CDH17: variants seen among roughly 807,000 people sequenced by gnomAD.
The protein encoded by CDH17 is cadherin-17.
A neutral mutation model predicts 86.3 loss-of-function variants in CDH17; 67 were observed. The observed-to-expected ratio is 0.78, with a 90% confidence interval of 0.64 to 0.95. The LOEUF (loss-of-function observed/expected upper bound fraction) is 0.95, where lower values mean the gene tolerates loss of function less well. Ranked by LOEUF, CDH17 falls within the 40% of genes least tolerant of loss-of-function variation. CDH17 has a pLI of 0.00. For synonymous variants in CDH17, 367 were observed against 366.4 expected, an observed-to-expected ratio of 1.00 and a Z score of -0.02; for missense variants, 993 against 1,017.6, an observed-to-expected ratio of 0.98 and a Z score of 0.33.
At chr8:94,129,252 G>T (rs193146495) in intron 17 of CDH17, among the ~76,000 whole-genome samples, 64 of 152,268 alleles carry the variant, frequency 4.2e-4, no homozygotes, top group African/African-American at 1.5e-3. Flanking sequence ...AATAGAATAA[G>T]AAAAGGCACA....
chr8:94,134,120 T>G (rs1026022784), intron 15 of CDH17, among the ~76,000 whole-genome samples: 4 of 152,202 alleles, frequency 2.6e-5, no homozygotes, highest in African/African-American at 9.7e-5. Context: ...AATTCTCTGT[T>G]TTTGTTGTGT....
rs553575450 is a variant in CDH17 at position 94,133,591 on chromosome 8, T to C, written c.2168-2599A>G. On this transcript the variant is annotated intron_variant, in intron 15 of 17. Coordinates refer to ENST00000027335, the MANE Select transcript of CDH17 (RefSeq NM_004063.4). ...ATAGGGTTTTCTAAATATACAATCA[T>C]GTCATGTGCAAACAGGGACAATTTG... Among the ~76,000 whole-genome samples, 7 of 152,348 alleles carry C rather than the reference T, an allele frequency of 4.6e-5. No homozygotes were observed. The East Asian group carries it at 7.7e-4, about 17-fold the overall frequency.
chr8:94,217,016 G>A (rs912738525), intron 1 of CDH17, among the ~76,000 whole-genome samples: 5 of 152,146 alleles, frequency 3.3e-5, no homozygotes, highest in African/African-American at 9.7e-5. Context: ...ACAGCAACAC[G>A]GGAAGGTATT....
intron 15 of CDH17, among the ~76,000 whole-genome samples, chr8:94,139,430 T>C (rs1812593074): frequency 6.6e-6 from 1 of 152,216 alleles, no homozygotes; most frequent in Non-Finnish European, 1.5e-5. Flanking sequence ...ATTTTTTCCA[T>C]GTTAGATGAA....
At chr8:94,150,760 A>C (rs1368550891) in intron 13 of CDH17, among the ~76,000 whole-genome samples, 1 of 152,244 alleles carries the variant, frequency 6.6e-6, no homozygotes. Context: ...TCTTTGACCA[A>C]TGGTTTTTAT....
upstream of CDH17, among the ~76,000 whole-genome samples, chr8:94,210,837 A>G (rs1360011309): frequency 6.6e-6 from 1 of 152,040 alleles, no homozygotes; most frequent in African/African-American, 2.4e-5. Flanking sequence ...CCTGTCCAAC[A>G]TGGTGAAACC....
Position 94,128,087 on chromosome 8 carries a change from C to A in CDH17, c.*153G>T. On this transcript the variant is annotated 3_prime_UTR_variant, in exon 18 of 18. Coordinates refer to ENST00000027335, the MANE Select transcript of CDH17 (RefSeq NM_004063.4). ...CAGCCTGGGCGACAGAGCAAGACTC[C>A]ACCTCAAAAAAGAAATATTTAGCAA... 1.7e-6 allele frequency: 1 copy of A among 605,136 alleles called. No individual in the cohort carries two copies. Among genetic ancestry groups the A allele is most frequent in the South Asian group, 2.0e-5 (1 of 50,262 alleles). The allele number at this position is 605,136 out of a possible 1,614,324, so 37.5% of individuals were successfully genotyped here.
intron 1 of CDH17, among the ~76,000 whole-genome samples, chr8:94,198,411 C>T (rs937192809): frequency 6.6e-6 from 1 of 152,062 alleles, no homozygotes; most frequent in African/African-American, 2.4e-5. Flanking sequence ...AAGTAACAAC[C>T]TCAGATTCTA....
Position 94,174,280 on chromosome 8 carries a change from CAG to C in CDH17, c.425-22_425-21del. The C allele has an allele frequency of 1.4e-6, 2 of 1,452,740 alleles. No homozygotes were observed. The highest frequency in any genetic ancestry group is 1.9e-4 in the Middle Eastern group (1 of 5,400). The allele number at this position is 1,452,740 out of a possible 1,614,324, so 90.0% of individuals were successfully genotyped here. A position where few individuals can be genotyped will look rare whatever the true frequency, so the allele number is the denominator to read the frequency against. ...GCTTTCCTGTTTAACAAGACGTACC[CAG>C]AAAAAAAAAAAAAAAGATATTAATT... is the stretch of plus-strand genomic sequence containing the variant. On this transcript the variant is annotated intron_variant, in intron 5 of 17. Transcript: ENST00000027335.
chr8:94,170,536 A>T lies in CDH17; in HGVS notation c.927T>A (p.Tyr309Ter), dbSNP rs1034638382. 1 of 1,613,680 alleles carries T rather than the reference A, an allele frequency of 6.2e-7. No individual in the cohort carries two copies. Among genetic ancestry groups the T allele is most frequent in the Non-Finnish European group, 8.5e-7 (1 of 1,179,832 alleles). ...DREEKDAYVF[Y>*]AVAKDEYGKP... ...TTCCGTACTCATCCTTTGCAACTGC[A>T]TAAAAAACATACTACAACAGGAAAG... The change falls in exon 9 of 18, where the codon TAT becomes TAA. Residue 309 changes from tyrosine to a stop codon, truncating the protein, a stop_gained. Transcript: ENST00000027335. LOFTEE classifies it high-confidence loss of function.
intron 1 of CDH17, among the ~76,000 whole-genome samples, chr8:94,213,702 A>T (rs1475666341): frequency 6.6e-6 from 1 of 152,096 alleles, no homozygotes; most frequent in Non-Finnish European, 1.5e-5. Context: ...TCACTGCTCC[A>T]CTGAAACCAC....
At chr8:94,168,666 C>G (rs73266252) in intron 9 of CDH17, among the ~76,000 whole-genome samples, 5,271 of 152,170 alleles carry the variant, frequency 0.035, 213 homozygotes, top group African/African-American at 0.098. Flanking sequence ...AGGCAAATAG[C>G]AAGCTGAGCC....
intron 12 of CDH17, among the ~76,000 whole-genome samples, chr8:94,159,615 C>T (rs933891512): frequency 1.3e-4 from 20 of 152,070 alleles, no homozygotes; most frequent in African/African-American, 4.8e-4. Flanking sequence ...ACACCAAGTT[C>T]GATTTGAAGT....
rs553269442 is a variant in CDH17 at position 94,208,551 on chromosome 8, C to CGA, written c.-91_-90dup. 5.3e-5 allele frequency: 8 copies of CGA among 152,302 alleles called. No homozygotes were observed. In the South Asian group the frequency reaches 1.7e-3, roughly 32 times the overall value. 9.4% of individuals were successfully genotyped at this position (152,302 alleles called of 1,614,324 possible). On this transcript the variant is annotated 5_prime_UTR_variant, in exon 1 of 18. Coordinates refer to ENST00000027335, the MANE Select transcript of CDH17 (RefSeq NM_004063.4). ...CATTCAGTGGTCGAGACTCTTGCTA[C>CGA]GACTGGAGTATCTCCCCCGGGAACA...
intron 1 of CDH17, 125 bp from the exon 2 acceptor site, chr8:94,194,830 A>G: frequency 1.6e-6 from 1 of 621,732 alleles, no homozygotes; most frequent in East Asian, 2.7e-5. Flanking sequence ...CCAAAAGGCC[A>G]GCCTCTCCTC....
intron 2 of CDH17, among the ~76,000 whole-genome samples, chr8:94,190,788 G>C (rs1218784969): frequency 6.6e-6 from 1 of 152,208 alleles, no homozygotes; most frequent in Non-Finnish European, 1.5e-5. Flanking sequence ...ACTGCTCCCT[G>C]CTGGGAATAC....
intron 13 of CDH17, among the ~76,000 whole-genome samples, chr8:94,151,243 T>A (rs1812850163): frequency 6.6e-6 from 1 of 152,230 alleles, no homozygotes; most frequent in Non-Finnish European, 1.5e-5. Flanking sequence ...CTTAAGTTAA[T>A]CATCATTGTA....
At chr8:94,138,553 G>A (rs1200133764) in intron 15 of CDH17, among the ~76,000 whole-genome samples, 1 of 152,164 alleles carries the variant, frequency 6.6e-6, no homozygotes, top group Non-Finnish European at 1.5e-5. Context: ...GAGTCCCAGA[G>A]AGAGCTGCAA....
At chr8:94,131,621 G>A (rs973511600) in intron 15 of CDH17, among the ~76,000 whole-genome samples, 4 of 145,414 alleles carry the variant, frequency 2.8e-5, no homozygotes, top group African/African-American at 1.0e-4. Context: ...TAGCACTTCA[G>A]CACTATAGTT....
Sources: gnomAD v4.1 joint callset for allele counts (sites outside exome capture counted in the v4.1 genomes callset) on GRCh38, gnomAD v4.1.1 for gene constraint, MANE v1.5 for transcripts, NCBI Gene and HGNC (gene_info 2026-07-23, HGNC 2026-07-21) for gene names.